TOX4: variants seen among roughly 807,000 people sequenced by gnomAD.
TOX4 encodes epidermal Langerhans cell protein LCP1.
Under a neutral mutation model 61.0 loss-of-function variants are expected in TOX4, and 12 were observed. The observed-to-expected ratio is 0.20, with a 90% CI of 0.13 to 0.32. The LOEUF is 0.32. Ranked by LOEUF, TOX4 falls within the 10% of genes least tolerant of loss-of-function variation. The pLI is 1.00. For missense variants in TOX4, 499 were observed against 753.3 expected (o/e 0.66, Z 3.95); for synonymous variants, 268 against 274.8 (o/e 0.98, Z 0.24).
intron 2 of TOX4, among the ~76,000 whole-genome samples, chr14:21,483,895 A>C (rs963829416): frequency 1.3e-5 from 2 of 151,216 alleles, no homozygotes; most frequent in Admixed American, 6.6e-5. Flanking sequence ...GCAGCCTTCA[A>C]CTCCTGGGTT....
chr14:21,494,534 T>C (rs575531250), intron 7 of TOX4, among the ~76,000 whole-genome samples: 1 of 151,686 alleles, frequency 6.6e-6, no homozygotes, highest in East Asian at 2.0e-4. Flanking sequence ...GATCACGAGG[T>C]CAGGAGATCG....
Position 21,487,599 on chromosome 14 carries a change from C to T in TOX4, c.224C>T (p.Ala75Val), listed in dbSNP as rs1594427447. 1 of 1,614,152 alleles carries T rather than the reference C, an allele frequency of 6.2e-7. No homozygotes were observed. Among genetic ancestry groups the T allele is most frequent in the Non-Finnish European group, 8.5e-7 (1 of 1,180,030 alleles). The change falls in exon 3 of 9, where the codon GCC becomes GTC. Residue 75 changes from alanine (A) to valine (V), a missense_variant. By Grantham distance (64) the Ala-to-Val change is moderately conservative. Coordinates refer to ENST00000448790, the MANE Select transcript of TOX4 (RefSeq NM_014828.4). ...TCTTCACAGGATGGCAGTTTTTCAGCCCAGTATGGGGTCCAGACATTGGAC... is the reference window on the plus strand; with the variant it reads ...TCTTCACAGGATGGCAGTTTTTCAGTCCAGTATGGGGTCCAGACATTGGAC... ...PSSSQDGSFS[A>V]QYGVQTLDMP...
intron 2 of TOX4, among the ~76,000 whole-genome samples, chr14:21,478,152 G>T (rs1891037485): frequency 6.6e-6 from 1 of 152,294 alleles, no homozygotes; most frequent in African/African-American, 2.4e-5. Context: ...TGGCCAGGCT[G>T]GTTTCGAACT....
In TOX4 at chr14:21,497,947, T is replaced by C. The variant is rs1891447183; in HGVS notation, c.*1341T>C. 1 of 240,558 alleles carries C rather than the reference T, an allele frequency of 4.2e-6. No individual in the cohort carries two copies. Among genetic ancestry groups the C allele is most frequent in the Admixed American group, 5.3e-5 (1 of 18,710 alleles). 14.9% of individuals were successfully genotyped at this position (240,558 alleles called of 1,614,324 possible). ...ACCCTCCTACCTCGGCTTCCCAAAG[T>C]GCTCGGATTACAGGTGTGAGCCACT... On this transcript the variant is annotated 3_prime_UTR_variant, in exon 9 of 9. Transcript: ENST00000448790.
intron 2 of TOX4, among the ~76,000 whole-genome samples, chr14:21,479,621 C>G (rs1266203529): frequency 6.6e-6 from 1 of 152,178 alleles, no homozygotes. Context: ...GTACTCCAGC[C>G]TAGGTGAACG....
chr14:21,494,830 A>G (rs182803582), intron 7 of TOX4, among the ~76,000 whole-genome samples: 107 of 152,104 alleles, frequency 7.0e-4, no homozygotes, highest in Admixed American at 1.8e-3. Flanking sequence ...GAGGCAGGAG[A>G]ATCGCTTGAA....
At chr14:21,491,221 T>C (rs1054087183) in intron 5 of TOX4, among the ~76,000 whole-genome samples, 2 of 152,164 alleles carry the variant, frequency 1.3e-5, no homozygotes, top group Non-Finnish European at 2.9e-5. Context: ...CTTCAGCTCT[T>C]GAAGGGAGAA....
chr14:21,492,261 G>GTT, intron 5 of TOX4, 35 bp from the exon 6 acceptor site: 17 of 1,508,196 alleles, frequency 1.1e-5, no homozygotes, highest in South Asian at 3.6e-5. Flanking sequence ...AGTATGGGGA[G>GTT]TTTTGTTTTT....
chr14:21,481,485 G>T (rs1052968496), intron 2 of TOX4, among the ~76,000 whole-genome samples: 8 of 152,134 alleles, frequency 5.3e-5, no homozygotes, highest in Admixed American at 3.3e-4. Flanking sequence ...AGTGGATGTG[G>T]ATAACTTAAT....
intron 8 of TOX4, chr14:21,495,643 A>T (rs987919272): frequency 3.2e-6 from 1 of 312,410 alleles, no homozygotes; most frequent in Non-Finnish European, 5.9e-6. Context: ...CTTTAAAAAT[A>T]TAATACATTA....
intron 2 of TOX4, among the ~76,000 whole-genome samples, chr14:21,482,051 C>T (rs937378003): frequency 6.6e-6 from 1 of 152,158 alleles, no homozygotes; most frequent in Non-Finnish European, 1.5e-5. Flanking sequence ...AGTTGTATAT[C>T]AATGAAATAA....
rs1891488931 is a variant in TOX4, at chr14:21,499,102, A to G, written c.*2496A>G. On this transcript the variant is annotated 3_prime_UTR_variant, in exon 9 of 9. Transcript: ENST00000448790. ...CAGGAGATAGTCTTTCAATCATGCC[A>G]TAGATTTCATCTGGTTTATGACTGG... is the stretch of plus-strand genomic sequence containing the variant. 1 of 1,614,194 alleles carries G rather than the reference A, an allele frequency of 6.2e-7. No individual in the cohort carries two copies. The highest frequency in any genetic ancestry group is 2.2e-5 in the East Asian group (1 of 44,888).
At position 21,493,023 on chromosome 14, in the gene TOX4, C is replaced by T. The variant is rs776222117; in HGVS notation, c.1407C>T (p.Leu469=). 39 of 1,613,714 alleles carry T rather than the reference C, an allele frequency of 2.4e-5. No individual in the cohort carries two copies. Among genetic ancestry groups the T allele is most frequent in the Non-Finnish European group, 3.1e-5 (36 of 1,179,792 alleles). ...CCATTCTGCAGCAGCCTCCTCCACT[C>T]CAGGCCATGCAACAGCCTCCACCTC... The part of the protein sequence containing the change: ...QVTILQQPPP[L]QAMQQPPPQK... The change falls in exon 7 of 9, where the codon CTC becomes CTT. Residue 469 remains leucine (L), a synonymous_variant. Transcript: ENST00000448790.
chr14:21,490,353 A>C (rs1306627273), intron 5 of TOX4, among the ~76,000 whole-genome samples: 2 of 151,992 alleles, frequency 1.3e-5, no homozygotes, highest in Non-Finnish European at 2.9e-5. Flanking sequence ...GGCATGCCTC[A>C]AATCCCAGCT....
chr14:21,485,337 C>T (rs1373670779), intron 2 of TOX4, among the ~76,000 whole-genome samples: 1 of 105,376 alleles, frequency 9.5e-6, no homozygotes, highest in African/African-American at 3.6e-5. Flanking sequence ...ATCACTTGAA[C>T]CTGGGAGGCG....
chr14:21,483,797 G>C (rs1891149282), intron 2 of TOX4, among the ~76,000 whole-genome samples: 1 of 117,624 alleles, frequency 8.5e-6, no homozygotes, highest in Non-Finnish European at 1.9e-5. Context: ...GGTATTTTTT[G>C]TTATTTGTGT....
chr14:21,487,738 G>A, intron 3 of TOX4, 45 bp downstream of exon 3: 1 of 1,555,342 alleles, frequency 6.4e-7, no homozygotes, highest in Non-Finnish European at 8.7e-7. Context: ...TAATGGGCAT[G>A]GCATTAGGGG....
intron 2 of TOX4, among the ~76,000 whole-genome samples, chr14:21,479,955 A>G (rs528423082): frequency 6.6e-6 from 1 of 152,218 alleles, no homozygotes; most frequent in Non-Finnish European, 1.5e-5. Flanking sequence ...GAAGTTGAAC[A>G]ATCAAGAGGT....
At position 21,498,851 on chromosome 14, in the gene TOX4, T is replaced by C; in HGVS notation, c.*2245T>C. 1 of 589,082 alleles carries C rather than the reference T, an allele frequency of 1.7e-6. No homozygotes were observed. The highest frequency in any genetic ancestry group is 3.0e-6 in the Non-Finnish European group (1 of 332,142). 36.5% of individuals were successfully genotyped at this position (589,082 alleles called of 1,614,324 possible). A position where few individuals can be genotyped will look rare whatever the true frequency, so the allele number is the denominator to read the frequency against. ...TGGGTCCTAGAACCTGTTGAGTTTC[T>C]AATGAATATTTGTAGAATCTCATAA... On this transcript the variant is annotated 3_prime_UTR_variant, in exon 9 of 9. Coordinates refer to ENST00000448790, the MANE Select transcript of TOX4 (RefSeq NM_014828.4).
Sources: allele counts gnomAD v4.1 joint callset (sites outside exome capture counted in the v4.1 genomes callset), GRCh38; gene constraint gnomAD v4.1.1; transcripts MANE v1.5; gene names NCBI Gene and HGNC (gene_info 2026-07-23, HGNC 2026-07-21).